Variants in STAG1 observed in about 807,000 individuals in gnomAD.
STAG1 encodes cohesin subunit SA-1.
In STAG1, 26 loss-of-function variants were observed where a neutral mutation model predicts 170.9. That is an observed-to-expected ratio of 0.15 (90% CI 0.11 to 0.21). STAG1 has a LOEUF of 0.21. Ranked by LOEUF, STAG1 falls within the 10% of genes least tolerant of loss-of-function variation. The pLI, the probability that STAG1 is intolerant of heterozygous loss-of-function variation, is 1.00. For missense variants in STAG1, 964 were observed against 1,509.5 expected, an observed-to-expected ratio of 0.64 and a Z score of 5.99; for synonymous variants, 514 against 497.7, an observed-to-expected ratio of 1.03 and a Z score of -0.44.
At chr3:136,486,635 C>G (rs148402326) in intron 9 of STAG1, among the ~76,000 whole-genome samples, 1 of 152,134 alleles carries the variant, frequency 6.6e-6, no homozygotes, top group Non-Finnish European at 1.5e-5. Context: ...AGGCTGAGGA[C>G]AAAGTCAATA....
At position 136,336,753 on chromosome 3, in the gene STAG1, A is replaced by G. The variant is rs1205800050; in HGVS notation, c.*1501T>C. ...GAAAAATGTTTTGTGTCTTTACTAA[A>G]AGGATGAATAAAATCATCCATCATC... On this transcript the variant is annotated 3_prime_UTR_variant, in exon 34 of 34. Transcript: ENST00000383202. 2 of 152,266 alleles carry G rather than the reference A, an allele frequency of 1.3e-5. No homozygotes were observed. Among genetic ancestry groups the G allele is most frequent in the Non-Finnish European group, 2.9e-5 (2 of 68,046 alleles). The allele number at this position is 152,266 out of a possible 1,614,324, so 9.4% of individuals were successfully genotyped here.
At chr3:136,551,736 T>G (rs1181555084) in intron 5 of STAG1, among the ~76,000 whole-genome samples, 1 of 146,814 alleles carries the variant, frequency 6.8e-6, no homozygotes, top group Non-Finnish European at 1.5e-5. Context: ...CCCAAGCACC[T>G]GGGACTACAG....
chr3:136,550,723 T>G (rs375841219), intron 5 of STAG1, among the ~76,000 whole-genome samples: 4 of 152,178 alleles, frequency 2.6e-5, no homozygotes, highest in African/African-American at 9.7e-5. Flanking sequence ...TAGTCTCTTA[T>G]GATGTTTATT....
intron 1 of STAG1, among the ~76,000 whole-genome samples, chr3:136,728,621 T>C (rs1933824244): frequency 6.6e-6 from 1 of 152,248 alleles, no homozygotes; most frequent in Non-Finnish European, 1.5e-5. Context: ...TACTGTTAAC[T>C]ATTATTATAT....
At chr3:136,448,946 C>T (rs2088861207) in intron 14 of STAG1, among the ~76,000 whole-genome samples, 2 of 151,936 alleles carry the variant, frequency 1.3e-5, no homozygotes, top group Admixed American at 6.6e-5. Flanking sequence ...ACTCTTTCTA[C>T]TCTATTATTT....
intron 4 of STAG1, among the ~76,000 whole-genome samples, chr3:136,589,346 C>T (rs981583720): frequency 5.3e-5 from 8 of 150,484 alleles, no homozygotes; most frequent in African/African-American, 1.9e-4. Flanking sequence ...TAAAAACAAA[C>T]AAAAAAAAAT....
At chr3:136,374,804 T>C (rs186000603) in intron 23 of STAG1, among the ~76,000 whole-genome samples, 2 of 152,258 alleles carry the variant, frequency 1.3e-5, no homozygotes, top group East Asian at 3.9e-4. Context: ...TCTAAGTGTA[T>C]GGTACATATA....
chr3:136,412,437 CAT>C (rs2087649878), intron 21 of STAG1, among the ~76,000 whole-genome samples: 1 of 152,158 alleles, frequency 6.6e-6, no homozygotes, highest in Admixed American at 6.5e-5. Context: ...AGGATTATTA[CAT>C]AGTTTTAAAG....
intron 21 of STAG1, among the ~76,000 whole-genome samples, chr3:136,407,853 G>GC (rs1364056136): frequency 6.8e-6 from 1 of 148,124 alleles, no homozygotes; most frequent in Non-Finnish European, 1.5e-5. Context: ...CCGAGATCAC[G>GC]CCACTGCACT....
At chr3:136,362,333 C>G (rs1371548697) in intron 26 of STAG1, among the ~76,000 whole-genome samples, 1 of 152,088 alleles carries the variant, frequency 6.6e-6, no homozygotes, top group East Asian at 1.9e-4. Context: ...CCCTCGCTCA[C>G]TTTTCTATGG....
At chr3:136,509,054 AGT>A (rs1481464130) in intron 7 of STAG1, among the ~76,000 whole-genome samples, 18 of 152,366 alleles carry the variant, frequency 1.2e-4, no homozygotes, top group African/African-American at 4.3e-4. Context: ...AAGTAATGAG[AGT>A]GAGAACAACT....
intron 1 of STAG1, among the ~76,000 whole-genome samples, chr3:136,639,817 T>C (rs1252232014): frequency 6.6e-6 from 1 of 152,202 alleles, no homozygotes; most frequent in Non-Finnish European, 1.5e-5. Flanking sequence ...ATGGTGTTTT[T>C]AATATGGTAA....
chr3:136,677,907 TTA>T (rs925147422), intron 1 of STAG1, among the ~76,000 whole-genome samples: 3 of 147,466 alleles, frequency 2.0e-5, no homozygotes, highest in African/African-American at 4.9e-5. Flanking sequence ...ATAATATATA[TTA>T]TATATATTTA....
intron 4 of STAG1, among the ~76,000 whole-genome samples, chr3:136,583,956 A>G (rs900042538): frequency 6.6e-6 from 1 of 152,196 alleles, no homozygotes; most frequent in Non-Finnish European, 1.5e-5. Flanking sequence ...TATTTTCCCC[A>G]CTGTAAAATA....
chr3:136,746,030 T>C (rs958051025), intron 1 of STAG1, among the ~76,000 whole-genome samples: 1 of 152,148 alleles, frequency 6.6e-6, no homozygotes, highest in African/African-American at 2.4e-5. Context: ...TAAAACCAAC[T>C]GAATTATAAG....
intron 1 of STAG1, among the ~76,000 whole-genome samples, chr3:136,746,689 G>A (rs1466748465): frequency 6.6e-6 from 1 of 152,104 alleles, no homozygotes; most frequent in Non-Finnish European, 1.5e-5. Context: ...TCCTCAGTCG[G>A]GCGCAGTGGC....
chr3:136,526,983 C>T (rs917094723), intron 6 of STAG1, among the ~76,000 whole-genome samples: 25 of 152,156 alleles, frequency 1.6e-4, no homozygotes, highest in African/African-American at 5.6e-4. Context: ...GATGGGCTTC[C>T]CTTTGTGGGT....
At chr3:136,546,917 A>G (rs1936177320) in intron 5 of STAG1, among the ~76,000 whole-genome samples, 1 of 152,208 alleles carries the variant, frequency 6.6e-6, no homozygotes, top group Non-Finnish European at 1.5e-5. Context: ...CTTCAAAGCT[A>G]TGTCACTAGG....
At chr3:136,552,476 A>T (rs1024523585) in intron 5 of STAG1, among the ~76,000 whole-genome samples, 4 of 152,346 alleles carry the variant, frequency 2.6e-5, no homozygotes, top group Admixed American at 2.6e-4. Context: ...ATCTGAAGCC[A>T]TATGAAGCAG....
Sources: gnomAD v4.1 joint callset for allele counts (sites outside exome capture counted in the v4.1 genomes callset) on GRCh38, gnomAD v4.1.1 for gene constraint, MANE v1.5 for transcripts, NCBI Gene and HGNC (gene_info 2026-07-23, HGNC 2026-07-21) for gene names.